The following APOL2 variants were observed in gnomAD, a reference collection of about 807,000 sequenced individuals.
APOL2 encodes the protein apolipoprotein L2, also known as apolipoprotein L, 2.
A neutral mutation model predicts 7.1 loss-of-function variants in APOL2; 8 were observed. The ratio of observed to expected loss-of-function variants is 1.12; its 90% CI spans 0.66 to 2.03. The LOEUF is 2.03. Among genes scored for constraint, APOL2 ranks in the 30% most tolerant of loss-of-function variants. The pLI is 0.00. For missense variants in APOL2, 471 were observed against 415.1 expected (o/e 1.13, Z -1.17); for synonymous variants, 177 against 159.9 (o/e 1.11, Z -0.81).
Position 36,239,224 on chromosome 22 carries a change from C to T in APOL2, c.-134+217G>A, listed in dbSNP as rs937456012. ...TTTGTGAACCCATCTAAGCTGTTTT[C>T]CCCACCTCTCTCTACAGTTTACCCG... On this transcript the variant is annotated intron_variant, in intron 1 of 4. Transcript: ENST00000358502. The T allele has an allele frequency of 2.2e-6, 3 of 1,346,260 alleles. No individual in the cohort carries two copies. The Admixed American group carries it at 9.7e-5, about 44-fold the overall frequency. The allele number at this position is 1,346,260 out of a possible 1,614,324, so 83.4% of individuals were successfully genotyped here.
chr22:36,230,105 T>C (rs1385435053), intron 4 of APOL2, among the ~76,000 whole-genome samples: 4 of 152,196 alleles, frequency 2.6e-5, no homozygotes, highest in East Asian at 1.9e-4. Context: ...TTCAGAACCA[T>C]CTATATAAAT....
In APOL2 at chr22:36,227,652, G is replaced by A. The variant is rs1197247302; in HGVS notation, c.766C>T (p.Gln256Ter). Residue 256 changes from glutamine to a stop codon, truncating the protein, a stop_gained, in exon 5 of 5, where the codon CAG becomes TAG. Coordinates refer to ENST00000358502, the MANE Select transcript of APOL2 (RefSeq NM_030882.4). LOFTEE classifies it low-confidence loss of function (END_TRUNC). The stretch of plus-strand genomic sequence containing the variant: ...GGGCCTTCAACAACCCTCTCAACCT[G>A]TTCACCGCCTTCAGCTGAGATTCGC... ...IGRISAEGGE[Q>*]VERVVEGPAQ... The A allele has an allele frequency of 7.4e-6, 12 of 1,614,102 alleles. No individual in the cohort carries two copies. Among genetic ancestry groups the A allele is most frequent in the African/African-American group, 4.0e-5 (3 of 74,940 alleles).
rs376166050 is a variant in APOL2 at position 36,227,448 on chromosome 22, G to C, written c.970C>G (p.Leu324Val). Reference sequence around the variant, plus strand: ...TGCAGCATCTCATGGATCTTGGTGAGAAAGTTGAGCTTCCCCTCCAGCTCC... The same window carrying C: ...TGCAGCATCTCATGGATCTTGGTGACAAAGTTGAGCTTCCCCTCCAGCTCC... Reference protein sequence around the residue: ...AQELEGKLNFLTKIHEMLQPG... With the variant: ...AQELEGKLNFVTKIHEMLQPG... The change falls in exon 5 of 5, where the codon CTC becomes GTC. Residue 324 changes from leucine (L) to valine (V), a missense_variant. Coordinates refer to ENST00000358502, the MANE Select transcript of APOL2 (RefSeq NM_030882.4). 76 of 1,612,688 alleles carry C rather than the reference G, an allele frequency of 4.7e-5. No homozygotes were observed. Among genetic ancestry groups the C allele is most frequent in the Non-Finnish European group, 6.0e-5 (71 of 1,179,166 alleles).
chr22:36,233,566 G>T (rs1237352656), intron 1 of APOL2, 111 bp from the exon 2 acceptor site: 1 of 1,000,104 alleles, frequency 1.0e-6, no homozygotes, highest in African/African-American at 1.6e-5. Context: ...TTCTGACAAT[G>T]ACCTGGGCCT....
intron 4 of APOL2, among the ~76,000 whole-genome samples, chr22:36,229,025 C>T (rs2015123803): frequency 1.3e-5 from 2 of 152,216 alleles, no homozygotes; most frequent in South Asian, 4.1e-4. Flanking sequence ...AGCTTCTTCT[C>T]CACTAGGCGC....
intron 1 of APOL2, chr22:36,236,561 G>A: frequency 1.0e-6 from 1 of 985,340 alleles, no homozygotes; most frequent in Non-Finnish European, 1.2e-6. Context: ...TCCCAGTTAG[G>A]GGCGGCTCCA....
At position 36,226,666 on chromosome 22, in the gene APOL2, G is replaced by GGT. The variant is rs1556619181; in HGVS notation, c.*737_*738insAC. On this transcript the variant is annotated 3_prime_UTR_variant, in exon 5 of 5. Transcript: ENST00000358502. The stretch of plus-strand genomic sequence containing the variant: ...TTCTTGGAAGGACATCAAACCTGGG[G>GGT]GGGGGTCGGTAGTGGAGCTGCTGTT... 4 of 153,508 alleles carry GGT rather than the reference G, an allele frequency of 2.6e-5. No homozygotes were observed. Among genetic ancestry groups the GGT allele is most frequent in the Non-Finnish European group, 4.3e-5 (3 of 69,240 alleles). 9.5% of individuals were successfully genotyped at this position (153,508 alleles called of 1,614,324 possible).
In APOL2 at chr22:36,227,308, T is replaced by A. The variant is rs1603479864; in HGVS notation, c.*96A>T. 1 of 1,341,782 alleles carries A rather than the reference T, an allele frequency of 7.5e-7. No individual in the cohort carries two copies. Among genetic ancestry groups the A allele is most frequent in the South Asian group, 1.5e-5 (1 of 67,314 alleles). The allele number at this position is 1,341,782 out of a possible 1,614,324, so 83.1% of individuals were successfully genotyped here. ...TCCATCCTGGGCGATAGAGCGAGAC[T>A]CCATCTCAAAAAAAAAAAAAAAAAA... On this transcript the variant is annotated 3_prime_UTR_variant, in exon 5 of 5. Transcript: ENST00000358502.
Position 36,226,954 on chromosome 22 carries a change from C to G in APOL2, c.*450G>C. The G allele has an allele frequency of 6.0e-6, 1 of 167,586 alleles. No individual in the cohort carries two copies. The highest frequency in any genetic ancestry group is 1.3e-5 in the Non-Finnish European group (1 of 77,366). 10.4% of individuals were successfully genotyped at this position (167,586 alleles called of 1,614,324 possible). ...CCCTCCCTTGCTGTGCTCAGCTACA[C>G]AAATGCCAAAGTCACTAACACTCAG... On this transcript the variant is annotated 3_prime_UTR_variant, in exon 5 of 5. Transcript: ENST00000358502.
rs529852533 is a variant in APOL2 at position 36,230,406 on chromosome 22, G to A, written c.137+934C>T. ...TGAGTGTTGGGATCATCCAGACAGG[G>A]AAGAAATATCCCTCTCCCACTCACA... On this transcript the variant is annotated intron_variant, in intron 4 of 4. Transcript: ENST00000358502. Among the ~76,000 whole-genome samples the A allele has an allele frequency of 8.4e-4, 128 of 152,250 alleles. 4 individuals carry two copies. In the South Asian group the frequency reaches 0.026, roughly 31 times the overall value.
At chr22:36,237,908 C>T (rs1387910602) in intron 1 of APOL2, among the ~76,000 whole-genome samples, 2 of 152,308 alleles carry the variant, frequency 1.3e-5, no homozygotes, top group Admixed American at 1.3e-4. Flanking sequence ...TCCCCAGCCT[C>T]AGGCCTTCAC....
chr22:36,232,391 C>T (rs2015252635), intron 3 of APOL2, among the ~76,000 whole-genome samples: 1 of 152,200 alleles, frequency 6.6e-6, no homozygotes, highest in Non-Finnish European at 1.5e-5. Flanking sequence ...GGTGCCCTAA[C>T]ACAGATGAGG....
chr22:36,234,772 C>T (rs2015343328), intron 1 of APOL2, among the ~76,000 whole-genome samples: 1 of 152,162 alleles, frequency 6.6e-6, no homozygotes, highest in African/African-American at 2.4e-5. Flanking sequence ...AATAGTAACT[C>T]ACAGAACTCT....
At chr22:36,229,281 A>G (rs1451443592) in intron 4 of APOL2, among the ~76,000 whole-genome samples, 1 of 151,940 alleles carries the variant, frequency 6.6e-6, no homozygotes, top group African/African-American at 2.4e-5. Context: ...GTCCTGTTCC[A>G]TCTCCCGCCC....
At position 36,231,343 on chromosome 22, in the gene APOL2, G is replaced by A; in HGVS notation, c.134C>T (p.Pro45Leu). ...WNGFVAAAEL[P>L]RDEADELRKA... Reference sequence around the variant, plus strand: ...GAGTTAACCCCATGGAGCTTACCTGGGCAGTTCAGCAGCAGCCACGAATCC... The same window carrying A: ...GAGTTAACCCCATGGAGCTTACCTGAGCAGTTCAGCAGCAGCCACGAATCC... The change falls in exon 4 of 5, where the codon CCC (proline) becomes CTC (leucine). Residue 45 changes from proline (P) to leucine (L), a missense_variant. Transcript: ENST00000358502. The A allele has an allele frequency of 6.2e-7, 1 of 1,614,030 alleles. No homozygotes were observed. Among genetic ancestry groups the A allele is most frequent in the Non-Finnish European group, 8.5e-7 (1 of 1,179,918 alleles).
intron 1 of APOL2, chr22:36,237,179 G>A (rs1557534): frequency 0.035 from 52,736 of 1,494,776 alleles, 1,405 homozygotes; most frequent in Admixed American, 0.14. Flanking sequence ...CTGCCCCTCA[G>A]GCTTGACTAG....
At chr22:36,239,353 CT>C in intron 1 of APOL2, 87 bp downstream of exon 1, 1 of 1,415,286 alleles carries the variant, frequency 7.1e-7, no homozygotes, top group Non-Finnish European at 9.5e-7. Flanking sequence ...CCTCTCTGAG[CT>C]TATCTACAAA....
At chr22:36,234,758 T>C (rs1345051163) in intron 1 of APOL2, among the ~76,000 whole-genome samples, 1 of 152,186 alleles carries the variant, frequency 6.6e-6, no homozygotes, top group Non-Finnish European at 1.5e-5. Context: ...TCTAAGATGT[T>C]ATAAATAGTA....
In APOL2 at chr22:36,227,505, C is replaced by T. The variant is rs752274384; in HGVS notation, c.913G>A (p.Glu305Lys). 1 of 1,614,184 alleles carries T rather than the reference C, an allele frequency of 6.2e-7. No individual in the cohort carries two copies. Among genetic ancestry groups the T allele is most frequent in the Non-Finnish European group, 8.5e-7 (1 of 1,180,028 alleles). The change falls in exon 5 of 5, where the codon GAG (glutamate) becomes AAG (lysine). Residue 305 changes from glutamate (E) to lysine (K), a missense_variant. Glu to Lys is a moderately conservative substitution (Grantham distance 56). Transcript: ENST00000358502. ...CGCTTCTTCAGCTCCTCAGCTGACT[C>T]TGACTTTGCCCCCTCAAGCAAGTGC... ...SKHLLEGAKS[E>K]SAEELKKRAQ...
Sources: allele counts gnomAD v4.1 joint callset (sites outside exome capture counted in the v4.1 genomes callset), GRCh38; gene constraint gnomAD v4.1.1; transcripts MANE v1.5; gene names NCBI Gene and HGNC (gene_info 2026-07-23, HGNC 2026-07-21).